Variants in MAOA observed in about 807,000 individuals in gnomAD.
MAOA encodes monoamine oxidase A.
Under a neutral mutation model 42.0 loss-of-function variants are expected in MAOA, and 6 were observed. That is an observed-to-expected ratio of 0.14 (90% CI 0.08 to 0.28). The LOEUF is 0.28. MAOA is among the 10% of genes least tolerant of loss of function. The pLI is 1.00. For synonymous variants in MAOA, 140 were observed against 154.0 expected (o/e 0.91, Z 0.67); for missense variants, 262 against 422.3 (o/e 0.62, Z 3.33).
At chrX:43,673,873 G>A (rs1180986096) in intron 1 of MAOA, among the ~76,000 whole-genome samples, 4 of 111,220 alleles carry the variant, frequency 3.6e-5, no homozygotes, top group African/African-American at 1.3e-4. Flanking sequence ...CAACTATGTG[G>A]TCAATTTTGG....
chrX:43,714,409 C>T (rs1343980881), intron 5 of MAOA, among the ~76,000 whole-genome samples: 2 of 110,146 alleles, frequency 1.8e-5, no homozygotes, highest in Middle Eastern at 4.7e-3. Flanking sequence ...CATGGATGAA[C>T]CACCAGGATA....
rs2033984851 is a variant in MAOA, at chrX:43,744,492, C to G, written c.1563C>G (p.Tyr521Ter). ...CCCTGGGGTTTGTGCTGTACAAATA[C>G]AAGCTCCTGCCACGGTCTTGAAGTT... ...VTALGFVLYK[Y>*]KLLPRS The change falls in exon 15 of 15, where the codon TAC becomes TAG. Residue 521 changes from tyrosine to a stop codon, truncating the protein, a stop_gained. Coordinates refer to ENST00000338702, the MANE Select transcript of MAOA (RefSeq NM_000240.4). LOFTEE classifies it high-confidence loss of function. The G allele has an allele frequency of 8.3e-7, 1 of 1,208,763 alleles. No homozygotes were observed. Among genetic ancestry groups the G allele is most frequent in the African/African-American group, 1.8e-5 (1 of 56,939 alleles).
chrX:43,736,418 A>G, intron 10 of MAOA, 138 bp downstream of exon 10: 1 of 408,141 alleles, frequency 2.5e-6, no homozygotes, highest in South Asian at 2.9e-5. Context: ...AACCTTTTGT[A>G]TTTTGCTACA....
At chrX:43,721,581 C>G (rs922783928) in intron 5 of MAOA, among the ~76,000 whole-genome samples, 3 of 110,618 alleles carry the variant, frequency 2.7e-5, no homozygotes, top group East Asian at 5.7e-4. Context: ...GTAGCCTGGA[C>G]CAGGGCTGTG....
intron 3 of MAOA, among the ~76,000 whole-genome samples, chrX:43,710,000 T>C (rs1181622189): frequency 8.9e-6 from 1 of 112,517 alleles, no homozygotes; most frequent in Non-Finnish European, 1.9e-5. Flanking sequence ...CCACATTCCA[T>C]CAACTGTATA....
chrX:43,708,685 G>A (rs2033676630), intron 3 of MAOA, among the ~76,000 whole-genome samples: 1 of 100,950 alleles, frequency 9.9e-6, no homozygotes, highest in Non-Finnish European at 2.0e-5. Flanking sequence ...TTTCTTTTGA[G>A]ACAGTCTCGC....
intron 1 of MAOA, among the ~76,000 whole-genome samples, chrX:43,673,841 T>C (rs1300356594): frequency 3.6e-5 from 4 of 112,028 alleles, no homozygotes; most frequent in African/African-American, 9.8e-5. Context: ...TCTTTTACAT[T>C]TGCTGAGGAG....
At chrX:43,743,543 T>C (rs982066115) in intron 12 of MAOA, among the ~76,000 whole-genome samples, 12 of 112,098 alleles carry the variant, frequency 1.1e-4, no homozygotes, top group Non-Finnish European at 5.6e-5. Context: ...CTGGCTGGCT[T>C]GGAAAAGATC....
chrX:43,682,992 A>G (rs2033456013), intron 1 of MAOA, among the ~76,000 whole-genome samples: 1 of 112,143 alleles, frequency 8.9e-6, no homozygotes, highest in Non-Finnish European at 1.9e-5. Context: ...CCTTATGGTA[A>G]CTTAGAAACT....
intron 3 of MAOA, among the ~76,000 whole-genome samples, chrX:43,700,100 A>G (rs2033611151): frequency 8.9e-6 from 1 of 111,834 alleles, no homozygotes; most frequent in African/African-American, 3.2e-5. Context: ...TTAAACACCT[A>G]AATTCATCCC....
intron 5 of MAOA, among the ~76,000 whole-genome samples, chrX:43,715,771 A>C (rs1389613836): frequency 9.1e-6 from 1 of 110,124 alleles, no homozygotes; most frequent in Non-Finnish European, 1.9e-5. Flanking sequence ...CACAAGGCCA[A>C]GGGGGGAGAC....
chrX:43,673,178 G>T (rs1454081671), intron 1 of MAOA, among the ~76,000 whole-genome samples: 1 of 111,252 alleles, frequency 9.0e-6, no homozygotes, highest in Admixed American at 9.5e-5. Context: ...GAGGGTGTAT[G>T]TGTCAAGGAA....
At chrX:43,712,054 A>C in intron 4 of MAOA, 78 bp downstream of exon 4, 2 of 755,934 alleles carry the variant, frequency 2.6e-6, no homozygotes, top group Admixed American at 2.2e-5. Flanking sequence ...TCCATAGTGC[A>C]GGGAACATTG....
chrX:43,745,682 A>AT lies in MAOA; in HGVS notation c.*1173dup, dbSNP rs1252929967. ...TTTATAAAAGACATGAAATTGAGTC[A>AT]TTTTATATATGAAAACTAAGTTCTC... On this transcript the variant is annotated 3_prime_UTR_variant, in exon 15 of 15. Transcript: ENST00000338702. 9.0e-6 allele frequency: 1 copy of AT among 111,608 alleles called. No homozygotes were observed. Among genetic ancestry groups the AT allele is most frequent in the Non-Finnish European group, 1.9e-5 (1 of 53,132 alleles). 9.2% of individuals were successfully genotyped at this position (111,608 alleles called of 1,213,427 possible).
At chrX:43,705,573 A>T (rs1433152093) in intron 3 of MAOA, among the ~76,000 whole-genome samples, 1 of 112,076 alleles carries the variant, frequency 8.9e-6, no homozygotes, top group Non-Finnish European at 1.9e-5. Flanking sequence ...TGATACTGAA[A>T]GCACAAGCAA....
At position 43,740,751 on chromosome X, in the gene MAOA, C is replaced by A; in HGVS notation, c.1164+13C>A. On this transcript the variant is annotated intron_variant, in intron 11 of 14. Transcript: ENST00000338702. ...AGAAGCTTTACATGTAAGAAACTCCCAGCTTTAATCCCTAGCAGGTTCTTC... is the reference window on the plus strand; with the variant it reads ...AGAAGCTTTACATGTAAGAAACTCCAAGCTTTAATCCCTAGCAGGTTCTTC... 1 of 1,187,498 alleles carries A rather than the reference C, an allele frequency of 8.4e-7. No homozygotes were observed.
At chrX:43,741,866 T>G in intron 11 of MAOA, 84 bp from the exon 12 acceptor site, 1 of 1,181,924 alleles carries the variant, frequency 8.5e-7, no homozygotes. Context: ...TAATGTAAAC[T>G]TTTTGTTAAA....
At chrX:43,715,343 A>G (rs925123110) in intron 5 of MAOA, among the ~76,000 whole-genome samples, 12 of 110,141 alleles carry the variant, frequency 1.1e-4, no homozygotes, top group Admixed American at 1.1e-3. Context: ...GAGAGGAAAC[A>G]TGACTGGTGT....
intron 9 of MAOA, among the ~76,000 whole-genome samples, chrX:43,733,653 A>G (rs776581806): frequency 3.3e-4 from 37 of 112,221 alleles, no homozygotes; most frequent in Non-Finnish European, 4.5e-4. Flanking sequence ...TGACTTTTAG[A>G]GACCAGTGGT....
Sources: gnomAD v4.1 joint callset for allele counts (sites outside exome capture counted in the v4.1 genomes callset) on GRCh38, gnomAD v4.1.1 for gene constraint, MANE v1.5 for transcripts, NCBI Gene and HGNC (gene_info 2026-07-23, HGNC 2026-07-21) for gene names.